Variants in TRPM3 observed in about 807,000 individuals in gnomAD.
The protein encoded by TRPM3 is long transient receptor potential channel 3.
Under a neutral mutation model 181.2 loss-of-function variants are expected in TRPM3, and 77 were observed. The ratio of observed to expected loss-of-function variants is 0.42; its 90% CI spans 0.35 to 0.51. TRPM3 has a LOEUF of 0.51. Among genes scored for constraint, TRPM3 ranks in the 20% least tolerant of loss-of-function variants. The pLI is 0.01. For missense variants in TRPM3, 1,759 were observed against 2,196.7 expected (o/e 0.80, Z 3.98); for synonymous variants, 745 against 796.4 (o/e 0.94, Z 1.09).
intron 22 of TRPM3, among the ~76,000 whole-genome samples, chr9:70,576,937 C>T (rs982246481): frequency 3.9e-5 from 6 of 152,162 alleles, no homozygotes; most frequent in African/African-American, 1.4e-4. Flanking sequence ...ATGTTCCTTC[C>T]CCAGCTCTTT....
At chr9:71,372,372 G>T (rs1438284275) in intron 1 of TRPM3, among the ~76,000 whole-genome samples, 1 of 152,002 alleles carries the variant, frequency 6.6e-6, no homozygotes, top group African/African-American at 2.4e-5. Flanking sequence ...TGGGCCAAAT[G>T]GTATTTCTAC....
intron 1 of TRPM3, among the ~76,000 whole-genome samples, chr9:71,007,065 A>AAAAAAAAAAAAAAAAAAAAC (rs2097686070): frequency 8.2e-6 from 1 of 122,104 alleles, no homozygotes; most frequent in Non-Finnish European, 1.7e-5. Context: ...AAAAAAAAAG[A>AAAAAAAAAAAAAAAAAAAAC]AAGAAAAAAA....
At chr9:71,325,325 G>A (rs913205279) in intron 1 of TRPM3, among the ~76,000 whole-genome samples, 5 of 152,108 alleles carry the variant, frequency 3.3e-5, no homozygotes, top group East Asian at 1.9e-4. Flanking sequence ...GCAAGGAAAC[G>A]TGCTGATATG....
At chr9:71,152,109 C>T (rs11142706) in intron 1 of TRPM3, among the ~76,000 whole-genome samples, 32,262 of 151,984 alleles carry the variant, frequency 0.21, 4,071 homozygotes, top group East Asian at 0.31. Flanking sequence ...CAGAAGTGCA[C>T]GTCCTTAATC....
intron 1 of TRPM3, among the ~76,000 whole-genome samples, chr9:71,103,170 A>G (rs1392295669): frequency 3.3e-5 from 5 of 152,218 alleles, no homozygotes; most frequent in African/African-American, 7.2e-5. Flanking sequence ...AATAAATTAC[A>G]TGCTGAATTG....
intron 1 of TRPM3, among the ~76,000 whole-genome samples, chr9:71,216,079 T>C (rs1224161165): frequency 6.6e-6 from 1 of 152,236 alleles, no homozygotes; most frequent in Non-Finnish European, 1.5e-5. Context: ...AGTGAGAATC[T>C]ACTCCTTGAC....
Position 70,625,357 on chromosome 9 carries a change from G to A in TRPM3, c.1669-26C>T, listed in dbSNP as rs13440166. 1 of 1,613,228 alleles carries A rather than the reference G, an allele frequency of 6.2e-7. No individual in the cohort carries two copies. The highest frequency in any genetic ancestry group is 1.1e-5 in the South Asian group (1 of 90,962). ...CTATCAGGGTAGAATGAAACAAACA[G>A]ACAAATCCAAAAGACAACGTGGTTT... On this transcript the variant is annotated intron_variant, in intron 13 of 25. Transcript: ENST00000677713. This position sits in a 1 kb window ranked among gnomAD's most constrained non-coding sequence, Gnocchi z 4.8.
chr9:70,841,110 C>T (rs2094599650), intron 5 of TRPM3, among the ~76,000 whole-genome samples: 1 of 152,068 alleles, frequency 6.6e-6, no homozygotes, highest in Non-Finnish European at 1.5e-5. Flanking sequence ...TATTCTAATT[C>T]TTTAAGACAC....
rs754936205 is a variant in TRPM3 at position 70,610,577 on chromosome 9, C to A, written c.2667+32G>T. On this transcript the variant is annotated intron_variant, in intron 19 of 25. Coordinates refer to ENST00000677713, the MANE Select transcript of TRPM3 (RefSeq NM_001366145.2). ...ATGGACGTTGGCTCCTTGTGGCCATCCACTAGGAAGGAGAAAAGGAAATGT... is the reference window on the plus strand; with the variant it reads ...ATGGACGTTGGCTCCTTGTGGCCATACACTAGGAAGGAGAAAAGGAAATGT... 3.1e-6 allele frequency: 5 copies of A among 1,603,592 alleles called. No individual in the cohort carries two copies. In the South Asian group the frequency reaches 3.3e-5, roughly 11 times the overall value.
At chr9:70,869,559 C>G (rs750281183) in intron 1 of TRPM3, among the ~76,000 whole-genome samples, 1 of 152,040 alleles carries the variant, frequency 6.6e-6, no homozygotes, top group South Asian at 2.1e-4. Context: ...GCTAAAATCT[C>G]TGAATGTTTC....
intron 1 of TRPM3, among the ~76,000 whole-genome samples, chr9:71,391,614 G>T (rs1395228391): frequency 6.6e-6 from 1 of 152,026 alleles, no homozygotes; most frequent in Admixed American, 6.6e-5. Flanking sequence ...CAAATATTTA[G>T]CTATAAAATT....
At chr9:70,772,480 C>T (rs1398822502) in intron 7 of TRPM3, among the ~76,000 whole-genome samples, 3 of 152,058 alleles carry the variant, frequency 2.0e-5, no homozygotes, top group Non-Finnish European at 4.4e-5. Flanking sequence ...TGCCACCACA[C>T]CTGGCTAATT....
At chr9:71,307,311 CTGTT>C (rs71493610) in intron 1 of TRPM3, among the ~76,000 whole-genome samples, 72,424 of 151,440 alleles carry the variant, frequency 0.48, 19,287 homozygotes, top group East Asian at 0.68. Flanking sequence ...CTTTATTTCC[CTGTT>C]TATTTACCAA....
At chr9:71,212,406 T>A (rs1339181455) in intron 1 of TRPM3, among the ~76,000 whole-genome samples, 1 of 152,204 alleles carries the variant, frequency 6.6e-6, no homozygotes, top group African/African-American at 2.4e-5. Flanking sequence ...ATACAAAGAA[T>A]CAGTGTATTA....
intron 1 of TRPM3, among the ~76,000 whole-genome samples, chr9:70,919,280 C>A (rs2096631429): frequency 6.6e-6 from 1 of 152,174 alleles, no homozygotes; most frequent in South Asian, 2.1e-4. Flanking sequence ...CTTTTCATTT[C>A]TCTTCTTTGG....
At chr9:71,399,422 C>G (rs1000715834) in intron 1 of TRPM3, among the ~76,000 whole-genome samples, 3 of 150,790 alleles carry the variant, frequency 2.0e-5, no homozygotes, top group Non-Finnish European at 4.4e-5. Flanking sequence ...ATTATGTATT[C>G]AATATAGATT....
chr9:71,320,832 C>T (rs933087422), intron 1 of TRPM3, among the ~76,000 whole-genome samples: 6 of 152,054 alleles, frequency 3.9e-5, no homozygotes, highest in East Asian at 3.9e-4. Context: ...AACATGCCAA[C>T]GAGAAAGTGT....
chr9:70,589,164 C>T (rs1157425407), intron 22 of TRPM3, among the ~76,000 whole-genome samples: 1 of 152,202 alleles, frequency 6.6e-6, no homozygotes, highest in Non-Finnish European at 1.5e-5. Flanking sequence ...ATGTTTCACT[C>T]ACACAGAACA....
At chr9:70,843,215 C>A in intron 4 of TRPM3, 88 bp from the exon 5 acceptor site, 3 of 1,368,000 alleles carry the variant, frequency 2.2e-6, no homozygotes, top group South Asian at 1.4e-5. Flanking sequence ...TGGTTTCTCC[C>A]GAGGTTAAAT....
Sources: allele counts gnomAD v4.1 joint callset (sites outside exome capture counted in the v4.1 genomes callset), GRCh38; gene constraint gnomAD v4.1.1; non-coding constraint Gnocchi (gnomAD v3.1); transcripts MANE v1.5; gene names NCBI Gene and HGNC (gene_info 2026-07-23, HGNC 2026-07-21).